SUPT16H: variants seen among roughly 807,000 people sequenced by gnomAD.
SUPT16H encodes SPT16 homolog, facilitates chromatin remodeling subunit, also known as FACT complex subunit SPT16.
SUPT16H carries 24 observed loss-of-function variants against 136.2 expected under a neutral mutation model. The ratio of observed to expected loss-of-function variants is 0.18; its 90% CI spans 0.13 to 0.25. SUPT16H has a LOEUF of 0.25. Among genes scored for constraint, SUPT16H ranks in the 10% least tolerant of loss-of-function variants. The pLI is 1.00. For synonymous variants in SUPT16H, 415 were observed against 428.2 expected, an observed-to-expected ratio of 0.97 and a Z score of 0.38; for missense variants, 623 against 1,270.2, an observed-to-expected ratio of 0.49 and a Z score of 7.74.
rs1886596063 is a variant in SUPT16H at position 21,363,308 on chromosome 14, CTCT to C, written c.1317_1319del (p.Glu443del). On this transcript the variant is annotated inframe_deletion, in exon 12 of 26. Coordinates refer to ENST00000216297, the MANE Select transcript of SUPT16H (RefSeq NM_007192.4). ...CCTCTGCCTCATCTTTCTCCTCCTCCTCTTCTTCCTCATCTTCATTCTATGGAA... is the reference window on the plus strand; with the variant it reads ...CCTCTGCCTCATCTTTCTCCTCCTCCTCTTCCTCATCTTCATTCTATGGAA... The C allele has an allele frequency of 3.7e-6, 6 of 1,610,008 alleles. No homozygotes were observed. Among genetic ancestry groups the C allele is most frequent in the African/African-American group, 1.3e-5 (1 of 74,782 alleles).
At chr14:21,352,854 A>G (rs773351255) in intron 25 of SUPT16H, 36 bp from the exon 26 acceptor site, 1 of 1,613,942 alleles carries the variant, frequency 6.2e-7, no homozygotes, top group East Asian at 2.2e-5. Context: ...AGCAATAGGT[A>G]AGCTTTAGGT....
intron 8 of SUPT16H, 41 bp from the exon 9 acceptor site, chr14:21,365,184 C>A: frequency 6.5e-7 from 1 of 1,549,232 alleles, no homozygotes; most frequent in Non-Finnish European, 8.9e-7. Flanking sequence ...GGCTAAAGAT[C>A]TCTAACATGG....
Position 21,372,002 on chromosome 14 carries a change from A to G in SUPT16H, c.202T>C (p.Phe68Leu). The G allele has an allele frequency of 6.2e-7, 1 of 1,614,104 alleles. No homozygotes were observed. The highest frequency in any genetic ancestry group is 8.5e-7 in the Non-Finnish European group (1 of 1,180,022). ...GYELTDTIMV[F>L]CDDKIIFMAS... is the part of the protein sequence containing the mutation. ...ATAAAGATGATTTTGTCATCACAAAAGACCATGATAGTATCAGTTAGTTCA... is the reference window on the plus strand; with the variant it reads ...ATAAAGATGATTTTGTCATCACAAAGGACCATGATAGTATCAGTTAGTTCA... Residue 68 changes from phenylalanine (F) to leucine (L), a missense_variant, in exon 3 of 26, where the codon TTT (phenylalanine) becomes CTT (leucine). By Grantham distance (22) the Phe-to-Leu change is conservative. Coordinates refer to ENST00000216297, the MANE Select transcript of SUPT16H (RefSeq NM_007192.4).
intron 22 of SUPT16H, 122 bp from the exon 23 acceptor site, chr14:21,354,662 G>A (rs993297435): frequency 6.6e-6 from 8 of 1,218,336 alleles, no homozygotes; most frequent in Admixed American, 4.8e-5. Flanking sequence ...CACAATCTTC[G>A]CTCACTGCAA....
rs1370564065 is a variant in SUPT16H at position 21,372,061 on chromosome 14, C to T, written c.160-17G>A. ...GAGCCATGTCTATGGAAAAAGACAA[C>T]AGTGACAACGGTATTTACAGATACA... On this transcript the variant is annotated splice_polypyrimidine_tract_variant and intron_variant, in intron 2 of 25. Coordinates refer to ENST00000216297, the MANE Select transcript of SUPT16H (RefSeq NM_007192.4). 1 of 1,604,554 alleles carries T rather than the reference C, an allele frequency of 6.2e-7. No individual in the cohort carries two copies. Among genetic ancestry groups the T allele is most frequent in the Non-Finnish European group, 8.5e-7 (1 of 1,176,430 alleles).
At chr14:21,362,702 G>GGAGACAT in intron 14 of SUPT16H, 92 bp downstream of exon 14, 1 of 1,414,088 alleles carries the variant, frequency 7.1e-7, no homozygotes, top group East Asian at 2.3e-5. Context: ...GTCAAAAGTG[G>GGAGACAT]GAGACATGAT....
chr14:21,358,781 CACAA>C (rs1307249715), intron 19 of SUPT16H, among the ~76,000 whole-genome samples: 1 of 152,212 alleles, frequency 6.6e-6, no homozygotes, highest in African/African-American at 2.4e-5. Context: ...AGTTGCTCTG[CACAA>C]ACAGATTCAG....
chr14:21,369,402 A>G, intron 5 of SUPT16H, 47 bp from the exon 6 acceptor site: 1 of 1,610,940 alleles, frequency 6.2e-7, no homozygotes, highest in Non-Finnish European at 8.5e-7. Context: ...GAGGGTAGCA[A>G]AGCGGGGTGT....
chr14:21,366,753 A>G (rs1174126654), intron 7 of SUPT16H, among the ~76,000 whole-genome samples: 3 of 150,900 alleles, frequency 2.0e-5, no homozygotes, highest in African/African-American at 7.3e-5. Flanking sequence ...AGACTCAATG[A>G]TCCTCCCACC....
At chr14:21,378,139 A>G (rs904086775) in intron 1 of SUPT16H, among the ~76,000 whole-genome samples, 1 of 151,386 alleles carries the variant, frequency 6.6e-6, no homozygotes, top group Non-Finnish European at 1.5e-5. Context: ...TGAGAAATTT[A>G]GAATAAAAGA....
In SUPT16H at chr14:21,372,013, G is replaced by T. The variant is rs1452777108; in HGVS notation, c.191C>A (p.Thr64Asn). The T allele has an allele frequency of 6.2e-7, 1 of 1,613,856 alleles. No homozygotes were observed. The highest frequency in any genetic ancestry group is 2.2e-5 in the East Asian group (1 of 44,868). Residue 64 changes from threonine to asparagine, a missense_variant, in exon 3 of 26, where the codon ACT (threonine) becomes AAT (asparagine). Thr to Asn is a moderately conservative substitution (Grantham distance 65). This residue lies in a region of SUPT16H where 343 missense variants were observed against 525.7 expected (regional missense o/e 0.65). Coordinates refer to ENST00000216297, the MANE Select transcript of SUPT16H (RefSeq NM_007192.4). The part of the protein sequence containing the change: ...TWLFGYELTD[T>N]IMVFCDDKII... ...TTTGTCATCACAAAAGACCATGATA[G>T]TATCAGTTAGTTCATAACCAAAGAG...
intron 7 of SUPT16H, among the ~76,000 whole-genome samples, chr14:21,366,879 A>G (rs1200225514): frequency 6.6e-6 from 1 of 151,974 alleles, no homozygotes; most frequent in Non-Finnish European, 1.5e-5. Flanking sequence ...ACTGGACTCA[A>G]GCAATCCTCC....
chr14:21,356,677 C>T (rs1286247188), intron 22 of SUPT16H, among the ~76,000 whole-genome samples: 1 of 152,194 alleles, frequency 6.6e-6, no homozygotes, highest in African/African-American at 2.4e-5. Flanking sequence ...GAGTTTGAGG[C>T]TGCAGTGAGC....
intron 1 of SUPT16H, 60 bp from the exon 2 acceptor site, chr14:21,373,490 T>G: frequency 8.1e-7 from 1 of 1,229,916 alleles, no homozygotes; most frequent in Non-Finnish European, 1.2e-6. Flanking sequence ...GAATACAGCC[T>G]TCAATATTTA....
chr14:21,353,857 A>AC (rs1555308559), intron 23 of SUPT16H, 25 bp from the exon 24 acceptor site: 127 of 1,581,250 alleles, frequency 8.0e-5, no homozygotes, highest in Non-Finnish European at 1.1e-4. Flanking sequence ...CATAATACTG[A>AC]TTTTTTTTTG....
chr14:21,365,751 T>G (rs1886650986), intron 8 of SUPT16H, among the ~76,000 whole-genome samples: 1 of 151,380 alleles, frequency 6.6e-6, no homozygotes, highest in African/African-American at 2.4e-5. Context: ...TACACTGGAT[T>G]GAATAAACAA....
At chr14:21,377,076 GAAAAA>G (rs11323425) in intron 1 of SUPT16H, among the ~76,000 whole-genome samples, 3 of 110,788 alleles carry the variant, frequency 2.7e-5, no homozygotes, top group African/African-American at 6.8e-5. Flanking sequence ...GAAAGAAAAA[GAAAAA>G]AAAAAAAAAA....
chr14:21,357,684 C>T (rs113626590), intron 21 of SUPT16H, among the ~76,000 whole-genome samples: 14 of 152,076 alleles, frequency 9.2e-5, no homozygotes, highest in African/African-American at 3.1e-4. Flanking sequence ...CTATGTTGCC[C>T]AGACTGGTCT....
At chr14:21,358,252 G>T in intron 20 of SUPT16H, 63 bp downstream of exon 20, 1 of 1,016,982 alleles carries the variant, frequency 9.8e-7, no homozygotes. Context: ...ATTAAAGGAA[G>T]AATAATTTAT....
Sources: allele counts gnomAD v4.1 joint callset (sites outside exome capture counted in the v4.1 genomes callset), GRCh38; gene constraint gnomAD v4.1.1; regional missense constraint gnomAD v4.1.1; transcripts MANE v1.5; gene names NCBI Gene and HGNC (gene_info 2026-07-23, HGNC 2026-07-21).